Variants in CTNNA2 observed in about 807,000 individuals in gnomAD.
CTNNA2 encodes catenin alpha-2.
Under a neutral mutation model 101.0 loss-of-function variants are expected in CTNNA2, and 42 were observed. The observed-to-expected ratio is 0.42, with a 90% CI of 0.32 to 0.54. The LOEUF (loss-of-function observed/expected upper bound fraction) is 0.54, where lower values mean the gene tolerates loss of function less well. Among genes scored for constraint, CTNNA2 ranks in the 20% least tolerant of loss-of-function variants. CTNNA2 has a pLI of 0.14. For missense variants in CTNNA2, 871 were observed against 1,223.1 expected, an observed-to-expected ratio of 0.71 and a Z score of 4.29; for synonymous variants, 450 against 456.4, an observed-to-expected ratio of 0.99 and a Z score of 0.18.
At chr2:80,098,013 G>A (rs1229592201) in intron 7 of CTNNA2, among the ~76,000 whole-genome samples, 3 of 152,160 alleles carry the variant, frequency 2.0e-5, no homozygotes, top group Non-Finnish European at 4.4e-5. Context: ...ACCTGTCAAA[G>A]TTAGTCTCCA....
At chr2:79,789,001 TTAAAAA>T (rs1192925009) in intron 3 of CTNNA2, among the ~76,000 whole-genome samples, 2 of 151,878 alleles carry the variant, frequency 1.3e-5, no homozygotes, top group African/African-American at 4.9e-5. Flanking sequence ...ATGTCAGCTG[TTAAAAA>T]TAGTAATAGC....
rs1677078904 is a variant in CTNNA2, at chr2:79,339,372, T to C, written c.-318+26576T>C. ...TTAGGTGCCCTAGCAAGAAGTAACATCACAGGGTCAGTCAATTACAGGGTA... is the reference window on the plus strand; with the variant it reads ...TTAGGTGCCCTAGCAAGAAGTAACACCACAGGGTCAGTCAATTACAGGGTA... On this transcript the variant is annotated intron_variant, in intron 3 of 21. Coordinates refer to the CTNNA2 transcript ENST00000466387. 2.0e-5 allele frequency among the ~76,000 whole-genome samples: 3 copies of C among 152,048 alleles called. No homozygotes were observed. In the South Asian group the frequency reaches 6.2e-4, roughly 32 times the overall value.
At chr2:80,475,952 A>G (rs1253890594) in intron 9 of CTNNA2, among the ~76,000 whole-genome samples, 1 of 152,094 alleles carries the variant, frequency 6.6e-6, no homozygotes, top group Non-Finnish European at 1.5e-5. Flanking sequence ...TCATGTTCCT[A>G]TCGACTAGAG....
chr2:79,861,105 G>T (rs1251489883), intron 4 of CTNNA2, among the ~76,000 whole-genome samples: 4 of 152,242 alleles, frequency 2.6e-5, no homozygotes, highest in Non-Finnish European at 2.9e-5. Context: ...AGAAAGAAAA[G>T]AGTGACAGTT....
At chr2:79,604,077 C>A (rs1280300265) in intron 1 of CTNNA2, among the ~76,000 whole-genome samples, 1 of 151,944 alleles carries the variant, frequency 6.6e-6, no homozygotes, top group African/African-American at 2.4e-5. Flanking sequence ...GGGGCAGGAA[C>A]CAGCTACATA....
chr2:80,169,722 G>C (rs1221783808), intron 7 of CTNNA2, among the ~76,000 whole-genome samples: 1 of 152,132 alleles, frequency 6.6e-6, no homozygotes, highest in Non-Finnish European at 1.5e-5. Context: ...CCTTTCACTA[G>C]CTCCGTGTCA....
intron 2 of CTNNA2, among the ~76,000 whole-genome samples, chr2:79,676,925 G>A (rs769680110): frequency 6.6e-6 from 1 of 152,036 alleles, no homozygotes; most frequent in East Asian, 1.9e-4. Context: ...TTTGTGGGAA[G>A]TGCTATTCCC....
intron 4 of CTNNA2, among the ~76,000 whole-genome samples, chr2:79,405,225 T>C (rs760733334): frequency 5.9e-5 from 9 of 152,088 alleles, no homozygotes; most frequent in Non-Finnish European, 1.3e-4. Context: ...CCATGCATGC[T>C]ATAACCACAA....
chr2:80,066,255 G>A (rs746504819), intron 7 of CTNNA2, among the ~76,000 whole-genome samples: 11 of 152,126 alleles, frequency 7.2e-5, no homozygotes, highest in East Asian at 3.8e-4. Flanking sequence ...CACAGCAAAC[G>A]AAACAAGCAA....
chr2:80,116,425 A>G (rs916894261), intron 7 of CTNNA2, among the ~76,000 whole-genome samples: 3 of 152,112 alleles, frequency 2.0e-5, no homozygotes, highest in African/African-American at 7.2e-5. Flanking sequence ...AGAATTTAGA[A>G]AGATAGCACT....
intron 2 of CTNNA2, among the ~76,000 whole-genome samples, chr2:79,683,810 C>A (rs1683749738): frequency 6.6e-6 from 1 of 152,188 alleles, no homozygotes; most frequent in Admixed American, 6.5e-5. Context: ...CAAAGGCAAC[C>A]AAGTCTATGG....
chr2:79,934,872 G>A (rs1323850593), intron 7 of CTNNA2, among the ~76,000 whole-genome samples: 2 of 152,172 alleles, frequency 1.3e-5, no homozygotes, highest in South Asian at 2.1e-4. Flanking sequence ...ATGCACCAAG[G>A]TTTTACTTTC....
intron 3 of CTNNA2, among the ~76,000 whole-genome samples, chr2:79,349,747 A>G (rs951913806): frequency 1.3e-5 from 2 of 152,244 alleles, no homozygotes; most frequent in African/African-American, 4.8e-5. Context: ...TGAAGGCATC[A>G]GAGAGCTGAT....
intron 9 of CTNNA2, 63 bp from the exon 10 acceptor site, chr2:80,544,919 G>A (rs763854043): frequency 4.8e-5 from 67 of 1,393,078 alleles, no homozygotes; most frequent in East Asian, 1.2e-4. Flanking sequence ...GGTCCAAGGC[G>A]GAGCAACAGT....
chr2:80,547,892 G>A (rs999776076), intron 11 of CTNNA2, among the ~76,000 whole-genome samples: 1 of 151,706 alleles, frequency 6.6e-6, no homozygotes, highest in Admixed American at 6.6e-5. Flanking sequence ...GGGTTTCTCC[G>A]TGTTGGTCAG....
intron 1 of CTNNA2, among the ~76,000 whole-genome samples, chr2:79,597,222 C>T (rs975457115): frequency 6.6e-6 from 1 of 152,142 alleles, no homozygotes; most frequent in South Asian, 2.1e-4. Flanking sequence ...CCTGTAATCC[C>T]AGCACTTTGG....
chr2:79,306,895 A>G (rs1676260952), intron 2 of CTNNA2, among the ~76,000 whole-genome samples: 1 of 152,196 alleles, frequency 6.6e-6, no homozygotes, highest in African/African-American at 2.4e-5. Context: ...CTACATGTGC[A>G]TTAGCCATTC....
At chr2:80,399,462 C>T (rs1454123995) in intron 8 of CTNNA2, among the ~76,000 whole-genome samples, 1 of 152,156 alleles carries the variant, frequency 6.6e-6, no homozygotes, top group African/African-American at 2.4e-5. Context: ...AAGTCTAGAT[C>T]ACACAAAGGA....
At chr2:79,560,556 G>T (rs1220953330) in intron 1 of CTNNA2, among the ~76,000 whole-genome samples, 1 of 151,920 alleles carries the variant, frequency 6.6e-6, no homozygotes, top group Admixed American at 6.6e-5. Context: ...GCAGAGGTTG[G>T]ATAGATAATG....
Sources: gnomAD v4.1 joint callset for allele counts (sites outside exome capture counted in the v4.1 genomes callset) on GRCh38, gnomAD v4.1.1 for gene constraint, MANE v1.5 for transcripts, NCBI Gene and HGNC (gene_info 2026-07-23, HGNC 2026-07-21) for gene names.